COL6A5: variants seen among roughly 807,000 people sequenced by gnomAD.
The protein encoded by COL6A5 is collagen alpha-5(VI) chain.
Under a neutral mutation model 65.6 loss-of-function variants are expected in COL6A5, and 48 were observed. That is an observed-to-expected ratio of 0.73 (90% CI 0.58 to 0.93). The LOEUF is 0.93. Ranked by LOEUF, COL6A5 falls within the 40% of genes least tolerant of loss-of-function variation. COL6A5 has a pLI of 0.00. For missense variants in COL6A5, 914 were observed against 928.3 expected (o/e 0.98, Z 0.20); for synonymous variants, 291 against 322.8 (o/e 0.90, Z 1.05).
intron 8 of COL6A5, among the ~76,000 whole-genome samples, chr3:130,396,456 C>G (rs1324938848): frequency 6.6e-6 from 1 of 152,236 alleles, no homozygotes; most frequent in Non-Finnish European, 1.5e-5. Context: ...CAACAACCTC[C>G]ACACACGACT....
chr3:130,432,076 CA>C, intron 1 of COL6A5, 127 bp downstream of exon 33: 1 of 939,860 alleles, frequency 1.1e-6, no homozygotes, highest in Non-Finnish European at 1.6e-6. Context: ...ACAGTTTTCA[CA>C]GCTATATTGT....
At chr3:130,374,944 A>G (rs1158554658) in intron 2 of COL6A5, among the ~76,000 whole-genome samples, 1 of 152,186 alleles carries the variant, frequency 6.6e-6, no homozygotes, top group Non-Finnish European at 1.5e-5. Context: ...ATTACTAAAA[A>G]CATCATTCAA....
At position 130,468,791 on chromosome 3, in the gene COL6A5, G is replaced by T; in HGVS notation, c.1545-4G>T. The stretch of plus-strand genomic sequence containing the variant: ...AAAGAATGACTTGAGTTATTCTGTT[G>T]CAGGACATGAAAATTATGGCAGAAA... On this transcript the variant is annotated splice_region_variant and splice_polypyrimidine_tract_variant and intron_variant, in intron 5 of 7. Coordinates refer to ENST00000512836, the Ensembl canonical transcript of COL6A5. 2 of 1,599,968 alleles carry T rather than the reference G, an allele frequency of 1.3e-6. No individual in the cohort carries two copies. The highest frequency in any genetic ancestry group is 1.7e-6 in the Non-Finnish European group (2 of 1,171,722).
intron 1 of COL6A5, among the ~76,000 whole-genome samples, chr3:130,352,329 T>C (rs1332106165): frequency 6.6e-6 from 1 of 151,158 alleles, no homozygotes; most frequent in African/African-American, 2.4e-5. Flanking sequence ...CGTTGGAAAA[T>C]GGCAAGTGGC....
chr3:130,460,096 CT>C (rs1452611519), intron 5 of COL6A5, among the ~76,000 whole-genome samples: 1 of 152,012 alleles, frequency 6.6e-6, no homozygotes, highest in South Asian at 2.1e-4. Flanking sequence ...AAATTTAAAT[CT>C]GCACTAGAAT....
intron 3 of COL6A5, among the ~76,000 whole-genome samples, chr3:130,377,975 G>T (rs568346180): frequency 1.3e-5 from 2 of 152,108 alleles, no homozygotes; most frequent in African/African-American, 2.4e-5. Context: ...CAGGCACCAG[G>T]TACTGGAGGA....
At position 130,388,934 on chromosome 3, in the gene COL6A5, T is replaced by A. The variant is rs781427383; in HGVS notation, c.2216T>A (p.Val739Glu). The A allele has an allele frequency of 1.4e-4, 216 of 1,545,862 alleles. No homozygotes were observed. Among genetic ancestry groups the A allele is most frequent in the Non-Finnish European group, 1.8e-4 (208 of 1,144,732 alleles). Residue 739 changes from valine to glutamate, a missense_variant and NMD_transcript_variant, in exon 6 of 42, where the codon GTA (valine) becomes GAA (glutamate). Physicochemically the swap from Val to Glu is moderately radical, Grantham distance 121. Coordinates refer to the COL6A5 transcript ENST00000312481. ...TTTCTCATCCTCATCACAGATGGAGTAGCGCAGGATGATGTGAGAGATCCT... is the reference window on the plus strand; with the variant it reads ...TTTCTCATCCTCATCACAGATGGAGAAGCGCAGGATGATGTGAGAGATCCT...
exon 14 of COL6A5, chr3:130,405,631 C>T: frequency 6.4e-7 from 1 of 1,550,698 alleles, no homozygotes; most frequent in Middle Eastern, 1.7e-4. Context: ...AAAGGGATTG[C>T]AGGATGTCCA....
Position 130,408,216 on chromosome 3 carries a change from G to T in COL6A5, c.4480-1110G>T, listed in dbSNP as rs1004914292. On this transcript the variant is annotated intron_variant and NMD_transcript_variant, in intron 17 of 41. Coordinates refer to the COL6A5 transcript ENST00000312481. Reference sequence around the variant, plus strand: ...GAAAGTGAATAGGAGAAATATCGCTGAATTATTTTCTCAGCAAGGAATCAC... The same window carrying T: ...GAAAGTGAATAGGAGAAATATCGCTTAATTATTTTCTCAGCAAGGAATCAC... Among the ~76,000 whole-genome samples, 6 of 137,842 alleles carry T rather than the reference G, an allele frequency of 4.4e-5. No individual in the cohort carries two copies. The Admixed American group carries it at 5.0e-4, about 12-fold the overall frequency. The allele number at this position is 137,842 out of a possible 152,430, so 90.4% of individuals were successfully genotyped here.
chr3:130,436,152 A>G (rs1389878859), intron 1 of COL6A5, among the ~76,000 whole-genome samples: 2 of 152,076 alleles, frequency 1.3e-5, no homozygotes, highest in African/African-American at 4.8e-5. Flanking sequence ...TTTAAAAATT[A>G]CCCATGATCT....
chr3:130,443,392 A>C, intron 3 of COL6A5, 84 bp from the exon 36 acceptor site: 1 of 1,063,842 alleles, frequency 9.4e-7, no homozygotes, highest in Non-Finnish European at 1.4e-6. Flanking sequence ...AGTTGCTTCA[A>C]GAGGATTCCT....
chr3:130,395,244 C>G, exon 8 of COL6A5: 1 of 1,551,656 alleles, frequency 6.4e-7, no homozygotes. Flanking sequence ...GTTATCACAT[C>G]TGGAGATCCT....
chr3:130,422,766 G>A (rs1485213057), exon 28 of COL6A5: 1 of 1,516,100 alleles, frequency 6.6e-7, no homozygotes, highest in Admixed American at 2.1e-5. Flanking sequence ...GGACCCAAAG[G>A]ATTTAGGGGA....
rs1015423039 is a variant in COL6A5, at chr3:130,446,821, C to T, written c.1332+3255C>T. Among the ~76,000 whole-genome samples, 3 of 152,000 alleles carry T rather than the reference C, an allele frequency of 2.0e-5. No individual in the cohort carries two copies. The East Asian group carries it at 5.8e-4, about 29-fold the overall frequency. The stretch of plus-strand genomic sequence containing the variant: ...CCAGGTATTGGTTTGGGAGTTTTTC[C>T]ATAACACTGGCTTGTCTTCGTTTAA... On this transcript the variant is annotated intron_variant, in intron 4 of 7. Transcript: ENST00000512836.
At chr3:130,440,942 G>C in intron 3 of COL6A5, 117 bp downstream of exon 35, 1 of 789,344 alleles carries the variant, frequency 1.3e-6, no homozygotes, top group Non-Finnish European at 2.0e-6. Flanking sequence ...GAATTAGATG[G>C]TGAGATAGGG....
At chr3:130,457,827 T>A (rs1436579825) in intron 5 of COL6A5, among the ~76,000 whole-genome samples, 1 of 152,122 alleles carries the variant, frequency 6.6e-6, no homozygotes, top group African/African-American at 2.4e-5. Flanking sequence ...TGAGTTGTAG[T>A]TCAGATATTT....
At chr3:130,406,016 T>C in exon 15 of COL6A5, 3 of 1,551,474 alleles carry the variant, frequency 1.9e-6, no homozygotes, top group Non-Finnish European at 2.6e-6. Flanking sequence ...TTTCTGGACC[T>C]AAGGTACTGG....
chr3:130,483,503 G>C (rs1253526706), intron 7 of COL6A5, among the ~76,000 whole-genome samples: 1 of 152,158 alleles, frequency 6.6e-6, no homozygotes, highest in African/African-American at 2.4e-5. Flanking sequence ...CTGCTGTGGA[G>C]AGAATGTAAA....
intron 1 of COL6A5, among the ~76,000 whole-genome samples, chr3:130,364,414 A>G (rs1935254434): frequency 6.6e-6 from 1 of 152,210 alleles, no homozygotes; most frequent in Non-Finnish European, 1.5e-5. Context: ...AAAACATGGT[A>G]CCTTCTCTCA....
Sources: gnomAD v4.1 joint callset for allele counts (sites outside exome capture counted in the v4.1 genomes callset) on GRCh38, gnomAD v4.1.1 for gene constraint, MANE v1.5 for transcripts, NCBI Gene and HGNC (gene_info 2026-07-23, HGNC 2026-07-21) for gene names.